EDARADD: variants seen among roughly 807,000 people sequenced by gnomAD.
The protein encoded by EDARADD is EDAR associated via death domain, also known as ectodysplasin-A receptor-associated adapter protein.
In EDARADD, 20 loss-of-function variants were observed where a neutral mutation model predicts 25.6. That is an observed-to-expected ratio of 0.78 (90% CI 0.55 to 1.14). The LOEUF (loss-of-function observed/expected upper bound fraction) is 1.14. Ranked by LOEUF, EDARADD falls within the 50% of genes most tolerant of loss-of-function variation. The pLI, the probability that EDARADD is intolerant of heterozygous loss-of-function variation, is 0.00. For synonymous variants in EDARADD, 86 were observed against 94.4 expected (o/e 0.91, Z 0.52); for missense variants, 225 against 270.1 (o/e 0.83, Z 1.17).
chr1:236,442,140 T>G (rs1477944028), intron 4 of EDARADD, among the ~76,000 whole-genome samples: 4 of 151,966 alleles, frequency 2.6e-5, no homozygotes, highest in Non-Finnish European at 4.4e-5. Flanking sequence ...TTTTTTTTTT[T>G]TTTGAAACCG....
At chr1:236,363,441 C>T (rs1222535339) in intron 3 of EDARADD, among the ~76,000 whole-genome samples, 1 of 151,460 alleles carries the variant, frequency 6.6e-6, no homozygotes, top group Admixed American at 6.6e-5. Context: ...GTTCCTTCTC[C>T]AGCCATGGTT....
chr1:236,354,996 C>T (rs548733307), intron 3 of EDARADD, among the ~76,000 whole-genome samples: 1 of 152,232 alleles, frequency 6.6e-6, no homozygotes, highest in Non-Finnish European at 1.5e-5. Context: ...CAAAAACCAT[C>T]CTGCCCTTTC....
chr1:236,371,136 A>G (rs1667168253), intron 3 of EDARADD, among the ~76,000 whole-genome samples: 1 of 152,220 alleles, frequency 6.6e-6, no homozygotes, highest in Non-Finnish European at 1.5e-5. Flanking sequence ...TAGATCTTGT[A>G]CATATTTTGT....
intron 2 of EDARADD, among the ~76,000 whole-genome samples, chr1:236,412,577 TC>T (rs1412744115): frequency 2.6e-5 from 4 of 152,118 alleles, no homozygotes; most frequent in Non-Finnish European, 5.9e-5. Context: ...CTGTTTCAGT[TC>T]TATACCCTCC....
intron 3 of EDARADD, among the ~76,000 whole-genome samples, chr1:236,424,008 G>A (rs868532702): frequency 1.3e-5 from 2 of 151,806 alleles, no homozygotes; most frequent in African/African-American, 4.8e-5. Context: ...TGGGAGTCTA[G>A]GGTAGGAGAA....
At chr1:236,397,859 A>G (rs1667545435) in intron 1 of EDARADD, among the ~76,000 whole-genome samples, 1 of 151,836 alleles carries the variant, frequency 6.6e-6, no homozygotes, top group Non-Finnish European at 1.5e-5. Flanking sequence ...ACACACCCCA[A>G]TTTCCCCTTC....
At chr1:236,416,813 C>T (rs1181819139) in intron 3 of EDARADD, among the ~76,000 whole-genome samples, 10 of 152,158 alleles carry the variant, frequency 6.6e-5, no homozygotes, top group Admixed American at 6.6e-4. Flanking sequence ...TTTGATGTCA[C>T]TAGTGGGACC....
intron 4 of EDARADD, among the ~76,000 whole-genome samples, chr1:236,433,560 C>T (rs1385574022): frequency 2.0e-5 from 3 of 151,736 alleles, no homozygotes; most frequent in Non-Finnish European, 4.4e-5. Context: ...ATCCACCCAC[C>T]TCAGTCTCCC....
At position 236,398,631 on chromosome 1, in the gene EDARADD, C is replaced by G. The variant is rs1041877610; in HGVS notation, c.61+4126C>G. Among the ~76,000 whole-genome samples, 1 of 152,232 alleles carries G rather than the reference C, an allele frequency of 6.6e-6. No homozygotes were observed. Among genetic ancestry groups the G allele is most frequent in the African/African-American group, 2.4e-5 (1 of 41,468 alleles). On this transcript the variant is annotated intron_variant, in intron 1 of 5. Coordinates refer to ENST00000334232, the MANE Select transcript of EDARADD (RefSeq NM_145861.4). The surrounding 1 kb of genome is among the most constrained non-coding windows in gnomAD (Gnocchi z 4.1). Reference sequence around the variant, plus strand: ...CTTGAAGCCTCTTGCACCCTCGTGCCTCCTGGCCTTTGCAAACTTTGTTCC... The same window carrying G: ...CTTGAAGCCTCTTGCACCCTCGTGCGTCCTGGCCTTTGCAAACTTTGTTCC...
intron 3 of EDARADD, among the ~76,000 whole-genome samples, chr1:236,380,624 C>T (rs564899888): frequency 3.3e-5 from 5 of 152,192 alleles, no homozygotes; most frequent in Admixed American, 2.6e-4. Context: ...AAGCTAAAGT[C>T]CCCTTTAAGC....
At position 236,363,030 on chromosome 1, in the gene EDARADD, T is replaced by TATATATATATATATATAA. The variant is rs796610771; in HGVS notation, c.-6+12194_-6+12195insTATATATATATATAAATA. Among the ~76,000 whole-genome samples, 77 of 101,880 alleles carry TATATATATATATATATAA rather than the reference T, an allele frequency of 7.6e-4. 1 individual carries two copies. The highest frequency in any genetic ancestry group is 5.4e-3 in the Middle Eastern group (1 of 186). 66.8% of individuals were successfully genotyped at this position (101,880 alleles called of 152,430 possible). On this transcript the variant is annotated intron_variant, in intron 3 of 7. Coordinates refer to the EDARADD transcript ENST00000439430. ...AAATATATATATATATATATATATA[T>TATATATATATATATATAA]ATAAAATTTGTGTACAGACAGAGTC...
chr1:236,464,717 G>A (rs183338456), intron 4 of EDARADD, among the ~76,000 whole-genome samples: 6 of 152,124 alleles, frequency 3.9e-5, no homozygotes, highest in African/African-American at 1.2e-4. Flanking sequence ...ACAGGCATGA[G>A]CCACCGTGCC....
intron 4 of EDARADD, among the ~76,000 whole-genome samples, chr1:236,427,977 ATT>A (rs201073864): frequency 1.7e-5 from 1 of 58,770 alleles, no homozygotes; most frequent in Non-Finnish European, 8.0e-5. Context: ...ATTTTATTTT[ATT>A]TTTTTAGTAT....
intron 3 of EDARADD, among the ~76,000 whole-genome samples, chr1:236,363,632 G>A (rs1288765001): frequency 6.6e-6 from 1 of 151,634 alleles, no homozygotes; most frequent in Non-Finnish European, 1.5e-5. Flanking sequence ...GGGCTCAAGC[G>A]ATTTTCCTAC....
intron 5 of EDARADD, among the ~76,000 whole-genome samples, chr1:236,470,533 T>G (rs1659331340): frequency 6.6e-6 from 1 of 152,242 alleles, no homozygotes; most frequent in Non-Finnish European, 1.5e-5. Flanking sequence ...TTAATTTTAA[T>G]CAGGCTTCTG....
intron 4 of EDARADD, among the ~76,000 whole-genome samples, chr1:236,433,890 C>CAAACA (rs1658173320): frequency 6.8e-6 from 1 of 148,100 alleles, no homozygotes; most frequent in Non-Finnish European, 1.5e-5. Flanking sequence ...AACAAACAAA[C>CAAACA]AAAAAAAACA....
chr1:236,479,507 A>G (rs1659605621), intron 5 of EDARADD, among the ~76,000 whole-genome samples: 1 of 151,774 alleles, frequency 6.6e-6, no homozygotes, highest in Non-Finnish European at 1.5e-5. Flanking sequence ...AAAAAAAGAA[A>G]AAAAAAACCT....
chr1:236,445,389 G>T (rs973521303), intron 4 of EDARADD, among the ~76,000 whole-genome samples: 2 of 151,830 alleles, frequency 1.3e-5, no homozygotes, highest in African/African-American at 2.4e-5. Context: ...CACCACGCCC[G>T]GCTGATTTTT....
intron 4 of EDARADD, among the ~76,000 whole-genome samples, chr1:236,451,831 G>A (rs1658721644): frequency 6.6e-6 from 1 of 151,982 alleles, no homozygotes; most frequent in African/African-American, 2.4e-5. Context: ...TGAGAATTTG[G>A]CCACTGCACA....
Sources: gnomAD v4.1 joint callset for allele counts (sites outside exome capture counted in the v4.1 genomes callset) on GRCh38, gnomAD v4.1.1 for gene constraint, Gnocchi (gnomAD v3.1) non-coding constraint, MANE v1.5 for transcripts, NCBI Gene and HGNC (gene_info 2026-07-23, HGNC 2026-07-21) for gene names.